DRC11: variants seen among roughly 807,000 people sequenced by gnomAD.
DRC11 encodes dynein regulatory complex subunit 11, also known as IQ and AAA domain-containing protein 1.
the DRC11 span, among the ~76,000 whole-genome samples, chr2:236,320,872 TC>T: frequency 7.2e-6 from 1 of 139,038 alleles, no homozygotes; most frequent in Non-Finnish European, 1.6e-5. Context: ...TCCCATTTCA[TC>T]CCACAGAGCT....
At chr2:236,464,833 C>T in the DRC11 span, among the ~76,000 whole-genome samples, 16 of 152,120 alleles carry the variant, frequency 1.1e-4, no homozygotes, top group South Asian at 3.1e-3. Flanking sequence ...CACCCCCTGC[C>T]GCCAACCCCG....
At chr2:236,431,542 G>C in the DRC11 span, among the ~76,000 whole-genome samples, 4,338 of 152,224 alleles carry the variant, frequency 0.028, 202 homozygotes, top group African/African-American at 0.099. The surrounding 1 kb of genome is among the most constrained non-coding windows in gnomAD (Gnocchi z 4.2). Context: ...ATGGGAACTG[G>C]TATTCAAGTT....
At chr2:236,435,855 A>G in the DRC11 span, among the ~76,000 whole-genome samples, 1 of 152,158 alleles carries the variant, frequency 6.6e-6, no homozygotes, top group Non-Finnish European at 1.5e-5. Flanking sequence ...GTCCTTTTAC[A>G]AAAAAAGGAT....
the DRC11 span, among the ~76,000 whole-genome samples, chr2:236,482,085 T>G: frequency 3.1e-5 from 3 of 97,300 alleles, no homozygotes; most frequent in East Asian, 5.3e-4. This position sits in a 1 kb window ranked among gnomAD's most constrained non-coding sequence, Gnocchi z 4.5. Flanking sequence ...ATTATATGTA[T>G]AATTCTATGT....
At chr2:236,491,416 C>T in the DRC11 span, among the ~76,000 whole-genome samples, 1 of 151,090 alleles carries the variant, frequency 6.6e-6, no homozygotes, top group Non-Finnish European at 1.5e-5. Flanking sequence ...GTACTTAACC[C>T]AGTGGAGGTG....
the DRC11 span, among the ~76,000 whole-genome samples, chr2:236,411,159 C>G: frequency 6.6e-6 from 1 of 150,916 alleles, no homozygotes; most frequent in African/African-American, 2.4e-5. Flanking sequence ...TGACAAAGGG[C>G]TAATATCCAG....
the DRC11 span, among the ~76,000 whole-genome samples, chr2:236,442,197 C>T: frequency 2.0e-5 from 3 of 152,054 alleles, no homozygotes; most frequent in African/African-American, 7.2e-5. Context: ...ACATAAATAA[C>T]ATTTTATGGA....
At chr2:236,481,563 G>A in the DRC11 span, among the ~76,000 whole-genome samples, 1 of 152,130 alleles carries the variant, frequency 6.6e-6, no homozygotes, top group Non-Finnish European at 1.5e-5. Flanking sequence ...CTGTTGGGGG[G>A]AGTGAAGCCA....
chr2:236,499,152 T>C, the DRC11 span, among the ~76,000 whole-genome samples: 1 of 152,128 alleles, frequency 6.6e-6, no homozygotes, highest in Non-Finnish European at 1.5e-5. This position sits in a 1 kb window ranked among gnomAD's most constrained non-coding sequence, Gnocchi z 4.7. Context: ...GCGTCCTGAG[T>C]CCAGGTTGGC....
the DRC11 span, among the ~76,000 whole-genome samples, chr2:236,309,084 C>G: frequency 6.6e-6 from 1 of 152,118 alleles, no homozygotes; most frequent in Non-Finnish European, 1.5e-5. The surrounding 1 kb of genome is among the most constrained non-coding windows in gnomAD (Gnocchi z 5.7). Context: ...CCAGGTGAGA[C>G]CCACAAGAGA....
the DRC11 span, chr2:236,368,025 G>C: frequency 2.9e-5 from 19 of 650,434 alleles, no homozygotes; most frequent in Non-Finnish European, 2.8e-6. Flanking sequence ...GTAGTACTTT[G>C]TGTGCTGGTG....
At chr2:236,325,809 G>GCC in the DRC11 span, among the ~76,000 whole-genome samples, 15 of 152,210 alleles carry the variant, frequency 9.9e-5, no homozygotes, top group Admixed American at 6.5e-4. This position sits in a 1 kb window ranked among gnomAD's most constrained non-coding sequence, Gnocchi z 4.4. Context: ...CACCATGTTG[G>GCC]CCAGGCTGGT....
the DRC11 span, among the ~76,000 whole-genome samples, chr2:236,392,963 C>A: frequency 6.6e-6 from 1 of 152,144 alleles, no homozygotes; most frequent in African/African-American, 2.4e-5. This position sits in a 1 kb window ranked among gnomAD's most constrained non-coding sequence, Gnocchi z 5.1. Flanking sequence ...CCTGGAGAAA[C>A]ATGACCCTAG....
chr2:236,402,654 G>A, the DRC11 span, among the ~76,000 whole-genome samples: 1 of 152,130 alleles, frequency 6.6e-6, no homozygotes, highest in Non-Finnish European at 1.5e-5. The surrounding 1 kb of genome is among the most constrained non-coding windows in gnomAD (Gnocchi z 6.0). Context: ...ACACCAGGGG[G>A]CCCAAAGCCT....
chr2:236,427,052 C>T, the DRC11 span, among the ~76,000 whole-genome samples: 3 of 152,208 alleles, frequency 2.0e-5, no homozygotes, highest in Middle Eastern at 3.4e-3. The surrounding 1 kb of genome is among the most constrained non-coding windows in gnomAD (Gnocchi z 5.9). Flanking sequence ...ATTTTTATCC[C>T]TCATTCTGTT....
the DRC11 span, among the ~76,000 whole-genome samples, chr2:236,490,596 T>C: frequency 6.6e-6 from 1 of 152,188 alleles, no homozygotes; most frequent in African/African-American, 2.4e-5. The surrounding 1 kb of genome is among the most constrained non-coding windows in gnomAD (Gnocchi z 5.5). Context: ...AGTATCGTAT[T>C]TCTTTCCTTT....
chr2:236,381,573 C>A, the DRC11 span, among the ~76,000 whole-genome samples: 1 of 152,218 alleles, frequency 6.6e-6, no homozygotes, highest in South Asian at 2.1e-4. This position sits in a 1 kb window ranked among gnomAD's most constrained non-coding sequence, Gnocchi z 5.8. Context: ...TAAGGCAGTC[C>A]CAATCACCTT....
the DRC11 span, among the ~76,000 whole-genome samples, chr2:236,366,886 T>C: frequency 6.6e-6 from 1 of 150,780 alleles, no homozygotes; most frequent in Admixed American, 6.6e-5. Flanking sequence ...CAGGCTGGAG[T>C]GCAATGGCGT....
At chr2:236,331,313 G>T in the DRC11 span, 6 of 1,308,430 alleles carry the variant, frequency 4.6e-6, no homozygotes, top group African/African-American at 8.7e-5. This position sits in a 1 kb window ranked among gnomAD's most constrained non-coding sequence, Gnocchi z 4.8. Flanking sequence ...GAGGCAGCGT[G>T]AGGAGTGTCT....
Sources: gnomAD v4.1 joint callset for allele counts (sites outside exome capture counted in the v4.1 genomes callset) on GRCh38, gnomAD v4.1.1 for gene constraint, Gnocchi (gnomAD v3.1) non-coding constraint, MANE v1.5 for transcripts, NCBI Gene and HGNC (gene_info 2026-07-23, HGNC 2026-07-21) for gene names.